Variants in ABCC3 observed in about 807,000 individuals in gnomAD.
ABCC3 encodes the protein ATP-binding cassette sub-family C member 3.
In ABCC3, 121 loss-of-function variants were observed where a neutral mutation model predicts 165.3. The observed-to-expected ratio is 0.73, with a 90% CI of 0.63 to 0.85. The LOEUF (loss-of-function observed/expected upper bound fraction) is 0.85. Among genes scored for constraint, ABCC3 ranks in the 40% least tolerant of loss-of-function variants. The pLI is 0.00. For missense variants in ABCC3, 1,869 were observed against 1,964.1 expected, an observed-to-expected ratio of 0.95 and a Z score of 0.92; for synonymous variants, 733 against 810.1, an observed-to-expected ratio of 0.90 and a Z score of 1.62.
intron 7 of ABCC3, among the ~76,000 whole-genome samples, chr17:50,659,937 G>T (rs1967339818): frequency 6.6e-6 from 1 of 152,172 alleles, no homozygotes; most frequent in African/African-American, 2.4e-5. Context: ...AGTGAGCTGA[G>T]ATTGTGCCAC....
intron 26 of ABCC3, among the ~76,000 whole-genome samples, chr17:50,680,436 C>T (rs761478837): frequency 6.6e-6 from 1 of 152,254 alleles, no homozygotes; most frequent in Non-Finnish European, 1.5e-5. Flanking sequence ...CTCATGGTCA[C>T]ACCTTAGCCC....
intron 1 of ABCC3, among the ~76,000 whole-genome samples, chr17:50,646,533 C>G (rs58977350): frequency 0.018 from 2,707 of 152,182 alleles, 79 homozygotes; most frequent in African/African-American, 0.062. Context: ...ATGGGATTGC[C>G]AAGAGGTTGA....
rs376652960 is a variant in ABCC3 at position 50,684,665 on chromosome 17, T to C, written c.4114-44T>C. Reference sequence around the variant, plus strand: ...TGGACCTGGGGCCTATGGCTCCTCATAGGGCCTAAGCTGCCTCCCTCTGAG... The same window carrying C: ...TGGACCTGGGGCCTATGGCTCCTCACAGGGCCTAAGCTGCCTCCCTCTGAG... On this transcript the variant is annotated intron_variant, in intron 28 of 30. Coordinates refer to ENST00000285238, the MANE Select transcript of ABCC3 (RefSeq NM_003786.4). 1.0e-5 allele frequency: 16 copies of C among 1,585,372 alleles called. No individual in the cohort carries two copies. The African/African-American group carries it at 1.6e-4, about 16-fold the overall frequency.
intron 23 of ABCC3, among the ~76,000 whole-genome samples, chr17:50,676,885 TTG>T (rs1491125755): frequency 4.9e-4 from 49 of 99,438 alleles, no homozygotes; most frequent in African/African-American, 1.2e-3. Flanking sequence ...CTTTTTTTTT[TTG>T]GGGGGGGGGG....
chr17:50,678,250 C>T, intron 25 of ABCC3, 31 bp downstream of exon 25: 3 of 1,512,592 alleles, frequency 2.0e-6, no homozygotes, highest in East Asian at 2.3e-5. Flanking sequence ...AGGGCAGGGC[C>T]ACCACTGGGA....
rs1597856191 is a variant in ABCC3, at chr17:50,673,140, T to C, written c.2409+2T>C. On this transcript the variant is annotated splice_donor_variant, in intron 18 of 30. Coordinates refer to ENST00000285238, the MANE Select transcript of ABCC3 (RefSeq NM_003786.4). LOFTEE classifies it high-confidence loss of function. ...CCAGAAGGCGTGCTGGCAGGCAAGG[T>C]GAGGCCTGCCAGAGGCTAAGGGGGC... 1 of 1,613,442 alleles carries C rather than the reference T, an allele frequency of 6.2e-7. No individual in the cohort carries two copies. The highest frequency in any genetic ancestry group is 8.5e-7 in the Non-Finnish European group (1 of 1,179,970).
At chr17:50,635,105 G>A in intron 1 of ABCC3, 124 bp downstream of exon 1, 1 of 1,094,480 alleles carries the variant, frequency 9.1e-7, no homozygotes, top group African/African-American at 1.6e-5. Flanking sequence ...GAGACGGCCT[G>A]GGCGCCCGGG....
At chr17:50,665,768 G>A (rs557368389) in intron 11 of ABCC3, among the ~76,000 whole-genome samples, 1 of 150,106 alleles carries the variant, frequency 6.7e-6, no homozygotes, top group East Asian at 2.0e-4. Context: ...ACCACACCCG[G>A]CTTATTTTTG....
chr17:50,644,302 C>T (rs1232411282), intron 1 of ABCC3, among the ~76,000 whole-genome samples: 1 of 87,238 alleles, frequency 1.1e-5, no homozygotes, highest in Non-Finnish European at 2.3e-5. Flanking sequence ...CAGAGCCAGA[C>T]TCCGTCTCAA....
Position 50,664,066 on chromosome 17 carries a change from G to T in ABCC3, c.1293G>T (p.Trp431Cys). Residue 431 changes from tryptophan (W) to cysteine (C), a missense_variant, in exon 10 of 31, where the codon TGG (tryptophan) becomes TGT (cysteine). By Grantham distance (215) the Trp-to-Cys change is radical (BLOSUM62 -2). Coordinates refer to ENST00000285238, the MANE Select transcript of ABCC3 (RefSeq NM_003786.4). ...MDLAPFLNLL[W>C]SAPLQIILAI... ...TTGCCCCCTTCCTCAATCTGCTGTG[G>T]TCAGCACCCCTGCAGATCATCCTGG... 1.2e-6 allele frequency: 2 copies of T among 1,614,204 alleles called. No homozygotes were observed. Among genetic ancestry groups the T allele is most frequent in the Non-Finnish European group, 1.7e-6 (2 of 1,180,038 alleles).
chr17:50,683,231 C>T (rs1378441643), intron 26 of ABCC3, among the ~76,000 whole-genome samples: 1 of 150,806 alleles, frequency 6.6e-6, no homozygotes, highest in African/African-American at 2.4e-5. Context: ...GTTAGCCAGG[C>T]ATGGTGGCAT....
chr17:50,669,105 G>A (rs1178650413), intron 15 of ABCC3, 35 bp from the exon 16 acceptor site: 3 of 1,587,808 alleles, frequency 1.9e-6, no homozygotes, highest in Admixed American at 3.6e-5. Context: ...CCTGATCCCT[G>A]CCTCTAACTG....
intron 29 of ABCC3, among the ~76,000 whole-genome samples, chr17:50,686,810 T>C (rs1052803838): frequency 6.6e-6 from 1 of 152,156 alleles, no homozygotes; most frequent in East Asian, 1.9e-4. Context: ...GTTGCGGGAA[T>C]GGGCCAGGGA....
At chr17:50,680,927 A>G (rs1989226) in intron 26 of ABCC3, among the ~76,000 whole-genome samples, 357 of 152,290 alleles carry the variant, frequency 2.3e-3, no homozygotes, top group African/African-American at 7.7e-3. Context: ...ATACAAAAAA[A>G]TAGCTGGGCG....
At chr17:50,678,245 A>AG in intron 25 of ABCC3, 26 bp downstream of exon 25, 1 of 1,513,356 alleles carries the variant, frequency 6.6e-7, no homozygotes, top group Non-Finnish European at 8.8e-7. Context: ...ACCCCAGGGC[A>AG]GGGCCACCAC....
chr17:50,656,650 G>C, intron 2 of ABCC3, 52 bp from the exon 3 acceptor site: 1 of 1,568,512 alleles, frequency 6.4e-7, no homozygotes, highest in Non-Finnish European at 8.6e-7. Context: ...TTCCCAGTGA[G>C]GACTGTCCTT....
At chr17:50,671,275 A>G (rs566401256) in intron 17 of ABCC3, among the ~76,000 whole-genome samples, 8,928 of 150,746 alleles carry the variant, frequency 0.059, 844 homozygotes, top group African/African-American at 0.2. Context: ...AAAAAAAAAG[A>G]AAAAAAAACT....
intron 28 of ABCC3, 87 bp downstream of exon 28, chr17:50,684,194 G>C: frequency 6.6e-7 from 1 of 1,510,710 alleles, no homozygotes; most frequent in Non-Finnish European, 8.8e-7. Context: ...ATGGAGACTG[G>C]GACCCCAGTC....
intron 1 of ABCC3, among the ~76,000 whole-genome samples, chr17:50,639,925 G>A (rs2054212949): frequency 6.6e-6 from 1 of 151,932 alleles, no homozygotes. Flanking sequence ...CACCATGCCC[G>A]GCTAATTTTT....
Sources: gnomAD v4.1 joint callset for allele counts (sites outside exome capture counted in the v4.1 genomes callset) on GRCh38, gnomAD v4.1.1 for gene constraint, MANE v1.5 for transcripts, NCBI Gene and HGNC (gene_info 2026-07-23, HGNC 2026-07-21) for gene names.